The following SLC22A3 variants were observed in gnomAD, a reference collection of about 807,000 sequenced individuals.
SLC22A3 encodes the protein solute carrier family 22 member 3, also known as EMT organic cation transporter 3.
A neutral mutation model predicts 59.1 loss-of-function variants in SLC22A3; 51 were observed. That is an observed-to-expected ratio of 0.86 (90% CI 0.69 to 1.09). SLC22A3 has a LOEUF of 1.09. Among genes scored for constraint, SLC22A3 ranks in the 50% least tolerant of loss-of-function variants. The probability of loss-of-function intolerance (pLI) is 0.00; values close to 1 mark genes in which losing one functional copy is unlikely to be tolerated. For missense variants in SLC22A3, 711 were observed against 726.3 expected, an observed-to-expected ratio of 0.98 and a Z score of 0.24; for synonymous variants, 325 against 292.0, an observed-to-expected ratio of 1.11 and a Z score of -1.15.
chr6:160,393,248 C>T (rs1322470535), intron 1 of SLC22A3, among the ~76,000 whole-genome samples: 2 of 151,460 alleles, frequency 1.3e-5, no homozygotes, highest in Non-Finnish European at 2.9e-5. Context: ...CAAATGAGGC[C>T]CCTCTCCTGA....
chr6:160,420,655 G>C (rs1787691428), intron 5 of SLC22A3, among the ~76,000 whole-genome samples: 1 of 152,182 alleles, frequency 6.6e-6, no homozygotes, highest in Non-Finnish European at 1.5e-5. Context: ...CCGGGGAGTT[G>C]GGAGTTTCAG....
At chr6:160,383,291 G>C (rs1447290716) in intron 1 of SLC22A3, among the ~76,000 whole-genome samples, 1 of 152,100 alleles carries the variant, frequency 6.6e-6, no homozygotes, top group Non-Finnish European at 1.5e-5. Flanking sequence ...TCATTTGAAA[G>C]ACTTTTAAAG....
intron 1 of SLC22A3, among the ~76,000 whole-genome samples, chr6:160,386,569 C>T (rs1786024763): frequency 6.6e-6 from 1 of 152,122 alleles, no homozygotes; most frequent in South Asian, 2.1e-4. Flanking sequence ...AAGTATAGGC[C>T]CAGGCGGGCA....
chr6:160,381,441 G>A (rs1238515147), intron 1 of SLC22A3, among the ~76,000 whole-genome samples: 1 of 152,192 alleles, frequency 6.6e-6, no homozygotes, highest in African/African-American at 2.4e-5. Context: ...CTCTGGAACT[G>A]AGAATACTGG....
At chr6:160,398,283 C>G (rs1238389812) in intron 2 of SLC22A3, among the ~76,000 whole-genome samples, 1 of 152,218 alleles carries the variant, frequency 6.6e-6, no homozygotes, top group African/African-American at 2.4e-5. Flanking sequence ...ATTCCTTGAA[C>G]TTCACAAAGG....
intron 5 of SLC22A3, among the ~76,000 whole-genome samples, chr6:160,421,184 C>G (rs896826856): frequency 5.9e-5 from 9 of 152,192 alleles, no homozygotes; most frequent in Non-Finnish European, 1.2e-4. Flanking sequence ...ATTTCCCAGA[C>G]AAGTACCCAG....
At chr6:160,353,126 G>A (rs9456532) in intron 1 of SLC22A3, among the ~76,000 whole-genome samples, 218 of 152,312 alleles carry the variant, frequency 1.4e-3, no homozygotes, top group African/African-American at 5.0e-3. Context: ...ATTTTTAATG[G>A]AGTGAAAGCA....
intron 3 of SLC22A3, 41 bp from the exon 4 acceptor site, chr6:160,408,712 A>T: frequency 1.2e-6 from 2 of 1,601,202 alleles, no homozygotes; most frequent in Non-Finnish European, 1.7e-6. Context: ...TTTGGAGCTG[A>T]CCTTGTGCTT....
In SLC22A3 at chr6:160,437,178, G is replaced by A. The variant is rs774445345; in HGVS notation, c.1255G>A (p.Val419Met). ...TGCGGCAAGCAATATAGTGGCAGGG[G>A]TGGCATGCCTTGTCACTGCGTTCTT... ...PFAASNIVAGVACLVTAFLPE... is the reference protein window; with the variant it reads ...PFAASNIVAGMACLVTAFLPE... The change falls in exon 7 of 11, where the codon GTG becomes ATG. Residue 419 changes from valine to methionine, a missense_variant. Coordinates refer to ENST00000275300, the MANE Select transcript of SLC22A3 (RefSeq NM_021977.4). 9.9e-6 allele frequency: 16 copies of A among 1,614,008 alleles called. No homozygotes were observed. Among genetic ancestry groups the A allele is most frequent in the African/African-American group, 1.3e-5 (1 of 74,914 alleles).
intron 5 of SLC22A3, among the ~76,000 whole-genome samples, chr6:160,429,752 T>C (rs573697962): frequency 6.6e-5 from 10 of 152,220 alleles, no homozygotes; most frequent in African/African-American, 2.4e-4. Flanking sequence ...CATGAAAAAG[T>C]ATCCTGCCTT....
intron 2 of SLC22A3, among the ~76,000 whole-genome samples, chr6:160,399,462 G>A (rs1236092668): frequency 5.3e-5 from 8 of 151,736 alleles, no homozygotes; most frequent in African/African-American, 9.7e-5. Flanking sequence ...CTAAATTAAC[G>A]TTACTAAAGT....
intron 5 of SLC22A3, among the ~76,000 whole-genome samples, chr6:160,435,274 T>C (rs1788296440): frequency 6.6e-6 from 1 of 152,260 alleles, no homozygotes; most frequent in Non-Finnish European, 1.5e-5. Flanking sequence ...TTGTTGACTC[T>C]AGACACTATT....
chr6:160,361,798 G>C (rs577306521), intron 1 of SLC22A3, among the ~76,000 whole-genome samples: 20 of 152,246 alleles, frequency 1.3e-4, no homozygotes, highest in Non-Finnish European at 2.6e-4. Flanking sequence ...ACAAGTAAAA[G>C]ATAGCAAGTC....
At chr6:160,443,149 C>T (rs939912211) in intron 8 of SLC22A3, among the ~76,000 whole-genome samples, 1 of 152,228 alleles carries the variant, frequency 6.6e-6, no homozygotes, top group African/African-American at 2.4e-5. Flanking sequence ...CTCTAGGTGC[C>T]CTTGCTTAGA....
In SLC22A3 at chr6:160,391,650, T is replaced by C. The variant is rs542519085; in HGVS notation, c.430-6329T>C. Among the ~76,000 whole-genome samples the C allele has an allele frequency of 5.3e-5, 8 of 152,326 alleles. No homozygotes were observed. The South Asian group carries it at 1.7e-3, about 32-fold the overall frequency. On this transcript the variant is annotated intron_variant, in intron 1 of 10. Transcript: ENST00000275300. ...CAGAACATATTTAGAACCTTTCATC[T>C]TCTTCTCGTCTTTAGACAGTCTCAG...
chr6:160,397,767 C>T (rs556801366), intron 1 of SLC22A3, among the ~76,000 whole-genome samples: 44 of 149,536 alleles, frequency 2.9e-4, no homozygotes, highest in African/African-American at 1.1e-3. Context: ...GTTATAACAA[C>T]ATAGTATACT....
At chr6:160,438,151 T>C (rs930803560) in intron 7 of SLC22A3, among the ~76,000 whole-genome samples, 3 of 152,126 alleles carry the variant, frequency 2.0e-5, no homozygotes, top group Admixed American at 6.5e-5. Flanking sequence ...AGTTAAATTT[T>C]TCAGAGCTCC....
Position 160,410,841 on chromosome 6 carries a change from T to C in SLC22A3, c.970T>C (p.Ser324Pro). The C allele has an allele frequency of 6.3e-7, 1 of 1,577,480 alleles. No individual in the cohort carries two copies. The highest frequency in any genetic ancestry group is 8.7e-7 in the Non-Finnish European group (1 of 1,147,354). ...TGGGAAATACCTCTCATCAAATTACTCAGAGGTAATTTCTTTCAGTATGAG... is the reference window on the plus strand; with the variant it reads ...TGGGAAATACCTCTCATCAAATTACCCAGAGGTAATTTCTTTCAGTATGAG... ...CNGKYLSSNY[S>P]EITVTDEEVS... is the part of the protein sequence containing the mutation. The change falls in exon 5 of 11, where the codon TCA becomes CCA. Residue 324 changes from serine (S) to proline (P), a missense_variant. Ser to Pro is a moderately conservative substitution (Grantham distance 74). Coordinates refer to ENST00000275300, the MANE Select transcript of SLC22A3 (RefSeq NM_021977.4).
intron 1 of SLC22A3, among the ~76,000 whole-genome samples, chr6:160,372,745 T>C (rs1236637394): frequency 1.3e-5 from 2 of 152,222 alleles, no homozygotes; most frequent in Non-Finnish European, 2.9e-5. Context: ...TTTCATTAAG[T>C]TGATATTCAA....
Sources: allele counts gnomAD v4.1 joint callset (sites outside exome capture counted in the v4.1 genomes callset), GRCh38; gene constraint gnomAD v4.1.1; transcripts MANE v1.5; gene names NCBI Gene and HGNC (gene_info 2026-07-23, HGNC 2026-07-21).